Variants in TENM1 observed in about 807,000 individuals in gnomAD.
The protein encoded by TENM1 is teneurin transmembrane protein 1.
Under a neutral mutation model 174.8 loss-of-function variants are expected in TENM1, and 35 were observed. That is an observed-to-expected ratio of 0.20 (90% CI 0.15 to 0.27). The LOEUF is 0.27. Ranked by LOEUF, TENM1 falls within the 10% of genes least tolerant of loss-of-function variation. The pLI is 1.00. For missense variants in TENM1, 1,633 were observed against 2,130.1 expected, an observed-to-expected ratio of 0.77 and a Z score of 4.59; for synonymous variants, 781 against 798.7, an observed-to-expected ratio of 0.98 and a Z score of 0.37.
At chrX:124,424,108 G>A (rs2060684577) in intron 23 of TENM1, among the ~76,000 whole-genome samples, 1 of 112,479 alleles carries the variant, frequency 8.9e-6, no homozygotes, top group African/African-American at 3.2e-5. Flanking sequence ...TAGATTTCTA[G>A]CCTCCAGAAG....
At chrX:124,929,463 G>C (rs2058137772) in intron 1 of TENM1, among the ~76,000 whole-genome samples, 1 of 112,043 alleles carries the variant, frequency 8.9e-6, no homozygotes, top group South Asian at 3.7e-4. Flanking sequence ...CACACTGTCA[G>C]TTCTGTCAAC....
At chrX:125,082,782 TTTC>T in the TENM1 span, among the ~76,000 whole-genome samples, 1 of 111,076 alleles carries the variant, frequency 9.0e-6, no homozygotes, top group African/African-American at 3.3e-5. Flanking sequence ...TATGTTTTAA[TTTC>T]TTCTTTTTAA....
intron 16 of TENM1, among the ~76,000 whole-genome samples, chrX:124,529,449 A>G (rs1375503149): frequency 1.8e-5 from 2 of 111,830 alleles, no homozygotes; most frequent in African/African-American, 6.5e-5. Context: ...ACATTTTTAA[A>G]GCTTCTCCAT....
intron 14 of TENM1, among the ~76,000 whole-genome samples, chrX:124,548,171 C>A (rs890443975): frequency 8.9e-6 from 1 of 111,880 alleles, no homozygotes; most frequent in Non-Finnish European, 1.9e-5. Flanking sequence ...TACATGAATG[C>A]GATGACTTTC....
chrX:124,610,512 A>C (rs1189734723), intron 11 of TENM1, among the ~76,000 whole-genome samples: 5 of 111,667 alleles, frequency 4.5e-5, no homozygotes, highest in Non-Finnish European at 9.4e-5. Flanking sequence ...GTGTATTGTC[A>C]ACTCAACTCT....
chrX:124,868,613 A>G (rs1472274156), intron 3 of TENM1, among the ~76,000 whole-genome samples: 1 of 111,523 alleles, frequency 9.0e-6, no homozygotes, highest in Non-Finnish European at 1.9e-5. Context: ...AGGCAACCAC[A>G]GCAAAAATGG....
chrX:124,394,327 T>G (rs2060311598), intron 27 of TENM1, among the ~76,000 whole-genome samples: 1 of 112,446 alleles, frequency 8.9e-6, no homozygotes, highest in East Asian at 2.8e-4. Flanking sequence ...CCAAGAAAAG[T>G]GCATATAAAA....
intron 5 of TENM1, among the ~76,000 whole-genome samples, chrX:124,691,182 G>A (rs993636640): frequency 8.1e-5 from 9 of 111,449 alleles, no homozygotes; most frequent in African/African-American, 9.8e-5. Context: ...CTAGAAATGA[G>A]CCTACTAAGT....
At chrX:125,005,447 T>C in the TENM1 span, among the ~76,000 whole-genome samples, 3 of 101,503 alleles carry the variant, frequency 3.0e-5, no homozygotes, top group Non-Finnish European at 6.1e-5. Context: ...GTGTGTGTAT[T>C]TTGTTTGTTT....
At chrX:125,075,108 G>A in the TENM1 span, among the ~76,000 whole-genome samples, 1 of 111,530 alleles carries the variant, frequency 9.0e-6, no homozygotes, top group Admixed American at 9.5e-5. Context: ...CACTCCCTGT[G>A]TCCCCTGTGG....
intron 11 of TENM1, among the ~76,000 whole-genome samples, chrX:124,623,623 T>C (rs1388869041): frequency 9.0e-6 from 1 of 111,725 alleles, no homozygotes; most frequent in African/African-American, 3.2e-5. Context: ...ACACAATTTA[T>C]ACCTTGCTTG....
chrX:125,052,830 G>A, the TENM1 span, among the ~76,000 whole-genome samples: 1 of 112,042 alleles, frequency 8.9e-6, no homozygotes, highest in African/African-American at 3.2e-5. Flanking sequence ...TAGTGAAATT[G>A]TTGTTCCCTA....
chrX:124,862,132 C>G (rs2056922427), intron 3 of TENM1, among the ~76,000 whole-genome samples: 1 of 112,115 alleles, frequency 8.9e-6, no homozygotes, highest in East Asian at 2.8e-4. Context: ...TTGACCAAGT[C>G]TTTCAGAAAC....
intron 22 of TENM1, among the ~76,000 whole-genome samples, chrX:124,456,268 G>C (rs2061104993): frequency 8.9e-6 from 1 of 111,922 alleles, no homozygotes; most frequent in Admixed American, 9.5e-5. Context: ...CTTTTTCCTT[G>C]AGAAGCTTTA....
At chrX:125,165,577 A>T in the TENM1 span, among the ~76,000 whole-genome samples, 1 of 112,115 alleles carries the variant, frequency 8.9e-6, no homozygotes, top group Non-Finnish European at 1.9e-5. Context: ...TTTTAATGAC[A>T]GTGGGAAGAC....
intron 18 of TENM1, among the ~76,000 whole-genome samples, chrX:124,514,890 C>G (rs1287052696): frequency 2.7e-5 from 3 of 110,435 alleles, no homozygotes; most frequent in African/African-American, 9.9e-5. Context: ...GGCAGAGACA[C>G]AACAGAAAAG....
chrX:124,382,501 CT>C (rs1263871059), intron 31 of TENM1, among the ~76,000 whole-genome samples, 168 bp downstream of exon 34: 1 of 111,374 alleles, frequency 9.0e-6, no homozygotes, highest in Non-Finnish European at 1.9e-5. Flanking sequence ...ATTCTCTGAT[CT>C]TTTTTCTCAT....
At chrX:125,066,022 T>C in the TENM1 span, among the ~76,000 whole-genome samples, 4 of 112,369 alleles carry the variant, frequency 3.6e-5, no homozygotes, top group African/African-American at 6.5e-5. Flanking sequence ...GTGACCAAGA[T>C]AGCTGAATGA....
chrX:124,934,385 T>G (rs2058215713), intron 1 of TENM1, among the ~76,000 whole-genome samples: 1 of 112,431 alleles, frequency 8.9e-6, no homozygotes, highest in African/African-American at 3.2e-5. Context: ...TATTCTCAAC[T>G]GGTCTAAATT....
Sources: allele counts gnomAD v4.1 joint callset (sites outside exome capture counted in the v4.1 genomes callset), GRCh38; gene constraint gnomAD v4.1.1; transcripts MANE v1.5; gene names NCBI Gene and HGNC (gene_info 2026-07-23, HGNC 2026-07-21).